NRCAM: variants seen among roughly 807,000 people sequenced by gnomAD.
The protein encoded by NRCAM is neuronal cell adhesion molecule.
NRCAM carries 83 observed loss-of-function variants against 156.5 expected under a neutral mutation model. The ratio of observed to expected loss-of-function variants is 0.53; its 90% CI spans 0.44 to 0.64. NRCAM has a LOEUF of 0.64. Among genes scored for constraint, NRCAM ranks in the 30% least tolerant of loss-of-function variants. The pLI, the probability that NRCAM is intolerant of heterozygous loss-of-function variation, is 0.00. For missense variants in NRCAM, 1,417 were observed against 1,597.3 expected, an observed-to-expected ratio of 0.89 and a Z score of 1.92; for synonymous variants, 538 against 563.9, an observed-to-expected ratio of 0.95 and a Z score of 0.65.
chr7:108,167,912 T>A (rs1383918236), intron 29 of NRCAM, among the ~76,000 whole-genome samples: 1 of 152,208 alleles, frequency 6.6e-6, no homozygotes, highest in African/African-American at 2.4e-5. Flanking sequence ...TTCTGTTACT[T>A]CAAGATCCAA....
intron 11 of NRCAM, among the ~76,000 whole-genome samples, chr7:108,219,325 A>C (rs1437208698): frequency 2.0e-5 from 3 of 152,180 alleles, no homozygotes; most frequent in Non-Finnish European, 4.4e-5. Flanking sequence ...CACCAGAAAG[A>C]GAGAACCCTC....
At chr7:108,372,281 C>T (rs1407620138) in intron 2 of NRCAM, among the ~76,000 whole-genome samples, 1 of 151,984 alleles carries the variant, frequency 6.6e-6, no homozygotes, top group Non-Finnish European at 1.5e-5. Context: ...AAGGGAAAAG[C>T]TGCATGACAT....
intron 1 of NRCAM, among the ~76,000 whole-genome samples, chr7:108,453,994 C>A (rs893861446): frequency 6.6e-6 from 1 of 152,048 alleles, no homozygotes; most frequent in Non-Finnish European, 1.5e-5. Flanking sequence ...GGCTGGGGAC[C>A]TTTTCTTTAA....
intron 32 of NRCAM, among the ~76,000 whole-genome samples, chr7:108,154,628 A>G (rs2043845725): frequency 6.6e-6 from 1 of 152,180 alleles, no homozygotes; most frequent in South Asian, 2.1e-4. Flanking sequence ...CTTTCCAGGA[A>G]AAGCCATTCA....
chr7:108,386,225 T>C (rs1365225123), intron 2 of NRCAM, among the ~76,000 whole-genome samples: 1 of 152,224 alleles, frequency 6.6e-6, no homozygotes, highest in African/African-American at 2.4e-5. Context: ...ATCTATATCA[T>C]TCTAACTCTG....
intron 2 of NRCAM, among the ~76,000 whole-genome samples, chr7:108,385,639 T>C (rs2099738109): frequency 6.6e-6 from 1 of 152,122 alleles, no homozygotes; most frequent in Non-Finnish European, 1.5e-5. Context: ...ACTGATTCAG[T>C]AGATTAGTTC....
At chr7:108,434,256 T>C (rs1451020442) in intron 1 of NRCAM, among the ~76,000 whole-genome samples, 1 of 152,216 alleles carries the variant, frequency 6.6e-6, no homozygotes, top group Non-Finnish European at 1.5e-5. Flanking sequence ...GCAGCTTCAC[T>C]GCACCTGCCA....
At chr7:108,164,574 AG>A (rs2052547247) in intron 30 of NRCAM, among the ~76,000 whole-genome samples, 1 of 151,434 alleles carries the variant, frequency 6.6e-6, no homozygotes, top group African/African-American at 2.4e-5. Flanking sequence ...AGAGGAGAGG[AG>A]GAGCAGGAGC....
At chr7:108,188,633 T>G (rs1322492221) in intron 20 of NRCAM, among the ~76,000 whole-genome samples, 1 of 150,358 alleles carries the variant, frequency 6.7e-6, no homozygotes, top group Non-Finnish European at 1.5e-5. Flanking sequence ...GGTATTATTT[T>G]AATATAGGAA....
At chr7:108,390,610 G>T (rs1399376663) in intron 2 of NRCAM, among the ~76,000 whole-genome samples, 2 of 151,956 alleles carry the variant, frequency 1.3e-5, no homozygotes, top group Non-Finnish European at 1.5e-5. Flanking sequence ...CTTGTCTTCT[G>T]CTAGCTTTTG....
At chr7:108,220,488 AT>A (rs1454119666) in intron 11 of NRCAM, among the ~76,000 whole-genome samples, 1 of 152,236 alleles carries the variant, frequency 6.6e-6, no homozygotes, top group African/African-American at 2.4e-5. Flanking sequence ...TGATACTGGT[AT>A]AAAAATACGC....
At chr7:108,166,495 G>A (rs2151807260) in intron 30 of NRCAM, among the ~76,000 whole-genome samples, 1 of 152,076 alleles carries the variant, frequency 6.6e-6, no homozygotes, top group East Asian at 1.9e-4. Flanking sequence ...TGATCCGCCT[G>A]CCTCGGCCTC....
chr7:108,311,051 G>A (rs1306183124), intron 3 of NRCAM, among the ~76,000 whole-genome samples: 2 of 152,174 alleles, frequency 1.3e-5, no homozygotes, highest in East Asian at 3.9e-4. Context: ...AGCACCTGCT[G>A]TTGAGCCAAG....
chr7:108,388,752 G>A (rs2099749747), intron 2 of NRCAM, among the ~76,000 whole-genome samples: 1 of 152,140 alleles, frequency 6.6e-6, no homozygotes, highest in South Asian at 2.1e-4. Flanking sequence ...TGTAAGGAAG[G>A]GATTCAGTTT....
At chr7:108,421,399 T>G (rs1285969865) in intron 1 of NRCAM, among the ~76,000 whole-genome samples, 2 of 152,184 alleles carry the variant, frequency 1.3e-5, no homozygotes, top group Admixed American at 6.5e-5. Flanking sequence ...TATATTCAAA[T>G]GTTGATAATT....
At chr7:108,260,644 A>G (rs2096855776) in intron 3 of NRCAM, among the ~76,000 whole-genome samples, 1 of 152,182 alleles carries the variant, frequency 6.6e-6, no homozygotes, top group African/African-American at 2.4e-5. Context: ...TGTGCATTCC[A>G]GAGCGTGGGC....
intron 3 of NRCAM, among the ~76,000 whole-genome samples, chr7:108,267,090 A>G (rs1203281876): frequency 6.6e-6 from 1 of 152,232 alleles, no homozygotes; most frequent in East Asian, 1.9e-4. Context: ...ACACCCACAC[A>G]CACAGCAGAT....
chr7:108,160,657 T>C (rs2048365302), intron 30 of NRCAM, among the ~76,000 whole-genome samples, 165 bp from the exon 31 acceptor site: 1 of 152,202 alleles, frequency 6.6e-6, no homozygotes, highest in Non-Finnish European at 1.5e-5. Context: ...ATATGAATAA[T>C]TAACTTTGAA....
chr7:108,176,799 A>C lies in NRCAM; in HGVS notation c.2975-193T>G, dbSNP rs900992524. On this transcript the variant is annotated intron_variant, in intron 26 of 32. Coordinates refer to ENST00000379028, the MANE Select transcript of NRCAM (RefSeq NM_001037132.4). ...ATGCTATGTTCTATCATATCGTATC[A>C]TATCATATCATATCATATATCACAA... is the stretch of plus-strand genomic sequence containing the variant. 1.2e-5 allele frequency: 6 copies of C among 498,520 alleles called. No individual in the cohort carries two copies. The Middle Eastern group carries it at 1.6e-3, about 131-fold the overall frequency. The allele number at this position is 498,520 out of a possible 1,614,324, so 30.9% of individuals were successfully genotyped here.
Sources: allele counts gnomAD v4.1 joint callset (sites outside exome capture counted in the v4.1 genomes callset), GRCh38; gene constraint gnomAD v4.1.1; transcripts MANE v1.5; gene names NCBI Gene and HGNC (gene_info 2026-07-23, HGNC 2026-07-21).